Variants in TECTA observed in about 807,000 individuals in gnomAD.
The protein encoded by TECTA is tectorin alpha.
TECTA carries 128 observed loss-of-function variants against 216.8 expected under a neutral mutation model. That is an observed-to-expected ratio of 0.59 (90% CI 0.51 to 0.68). The LOEUF (loss-of-function observed/expected upper bound fraction) is 0.68. TECTA is among the 30% of genes least tolerant of loss of function. The pLI, the probability that TECTA is intolerant of heterozygous loss-of-function variation, is 0.00. For synonymous variants in TECTA, 1,089 were observed against 1,117.1 expected, an observed-to-expected ratio of 0.97 and a Z score of 0.50; for missense variants, 2,551 against 2,786.2, an observed-to-expected ratio of 0.92 and a Z score of 1.90.
rs759538465 is a variant in TECTA, at chr11:121,157,861, C to T, written c.4326C>T (p.Asn1442=). ...TCCAGCCCAAGCAGCTATTTTGGAA[C>T]AGCGACTGCACGCGGCGCTGCCGCT... ...KYYEPKQLFW[N]SDCTRRCRCF... The change falls in exon 14 of 24, where the codon AAC becomes AAT. Residue 1442 remains asparagine (N), a synonymous_variant. Coordinates refer to ENST00000392793, the MANE Select transcript of TECTA (RefSeq NM_005422.4). The T allele has an allele frequency of 7.4e-6, 12 of 1,614,190 alleles. No individual in the cohort carries two copies. Among genetic ancestry groups the T allele is most frequent in the Non-Finnish European group, 5.9e-6 (7 of 1,180,046 alleles).
At chr11:121,112,684 G>A (rs1365116442) in intron 4 of TECTA, among the ~76,000 whole-genome samples, 1 of 152,184 alleles carries the variant, frequency 6.6e-6, no homozygotes, top group Non-Finnish European at 1.5e-5. Flanking sequence ...TCTGCAAGGG[G>A]AACCGGTGGT....
At chr11:121,189,010 T>C in intron 21 of TECTA, 70 bp from the exon 22 acceptor site, 4 of 1,525,588 alleles carry the variant, frequency 2.6e-6, no homozygotes, top group Non-Finnish European at 3.6e-6. Flanking sequence ...CTTTTAGAGG[T>C]GAAACATGGT....
Position 121,153,094 on chromosome 11 carries a change from G to A in TECTA, c.4305+14G>A. On this transcript the variant is annotated intron_variant, in intron 13 of 23. Transcript: ENST00000392793. ...AAATATTACGAGGTATGGGAGGCCAGCCCGGCCTTTTCCTCCTTGCCAATG... is the reference window on the plus strand; with the variant it reads ...AAATATTACGAGGTATGGGAGGCCAACCCGGCCTTTTCCTCCTTGCCAATG... 6.2e-7 allele frequency: 1 copy of A among 1,609,250 alleles called. No homozygotes were observed.
intron 15 of TECTA, among the ~76,000 whole-genome samples, 179 bp downstream of exon 15, chr11:121,160,600 C>T (rs900060933): frequency 5.9e-5 from 9 of 152,330 alleles, no homozygotes; most frequent in Middle Eastern, 3.4e-3. Context: ...CCAGTAATTT[C>T]GTGAACTGCA....
At chr11:121,166,100 A>G (rs534081289) in intron 17 of TECTA, among the ~76,000 whole-genome samples, 5 of 152,338 alleles carry the variant, frequency 3.3e-5, no homozygotes, top group African/African-American at 1.2e-4. Flanking sequence ...GAAAATGTCA[A>G]TCGGTGCCTT....
rs2135045190 is a variant in TECTA at position 121,101,419 on chromosome 11, G to C, written c.-25G>C. The C allele has an allele frequency of 6.6e-6, 1 of 152,288 alleles. No homozygotes were observed. Among genetic ancestry groups the C allele is most frequent in the East Asian group, 1.9e-4 (1 of 5,180 alleles). 9.4% of individuals were successfully genotyped at this position (152,288 alleles called of 1,614,324 possible). On this transcript the variant is annotated 5_prime_UTR_variant, in exon 1 of 24. Transcript: ENST00000392793. ...GATTTGGCTTAATATTTCTGACTCAGTTCCTCCAGCCTCTACAGAACAGGT... is the reference window on the plus strand; with the variant it reads ...GATTTGGCTTAATATTTCTGACTCACTTCCTCCAGCCTCTACAGAACAGGT...
rs931887540 is a variant in TECTA, at chr11:121,137,762, C to T, written c.3283C>T (p.Arg1095Cys). ...AGGTGGCCTGTACTACTGCCAAGCC[C>T]GCACCGACGCCTCCTGCATCGTCTC... ...EEGGLYYCQA[R>C]TDASCIVSGY... The change falls in exon 11 of 24, where the codon CGC becomes TGC. Residue 1095 changes from arginine to cysteine, a missense_variant. Physicochemically the swap from Arg to Cys is radical, Grantham distance 180. Around this residue, in one of 3 missense-constraint regions of TECTA, gnomAD observed 2,375 missense variants for 2,563.9 expected, o/e 0.93. Coordinates refer to ENST00000392793, the MANE Select transcript of TECTA (RefSeq NM_005422.4). The T allele has an allele frequency of 5.0e-6, 8 of 1,614,044 alleles. No individual in the cohort carries two copies. The highest frequency in any genetic ancestry group is 3.3e-5 in the Admixed American group (2 of 60,002).
At chr11:121,138,215 A>C (rs1004379989) in intron 11 of TECTA, among the ~76,000 whole-genome samples, 193 bp downstream of exon 11, 4 of 152,220 alleles carry the variant, frequency 2.6e-5, no homozygotes, top group African/African-American at 9.6e-5. Flanking sequence ...AGAGAAAAAA[A>C]TGATTTGCCC....
chr11:121,122,689 A>G (rs1946570060), intron 7 of TECTA, among the ~76,000 whole-genome samples: 1 of 147,160 alleles, frequency 6.8e-6, no homozygotes. Flanking sequence ...AAAAAAAAAA[A>G]AAAAGAAAGC....
chr11:121,162,822 G>A (rs1429015082), intron 16 of TECTA, among the ~76,000 whole-genome samples: 2 of 152,230 alleles, frequency 1.3e-5, no homozygotes, highest in African/African-American at 4.8e-5. Context: ...CTCAAAGGAA[G>A]CTGCAGTTCG....
rs111897870 is a variant in TECTA at position 121,105,500 on chromosome 11, A to G, written c.65-331A>G. 8.6e-3 allele frequency among the ~76,000 whole-genome samples: 1,313 copies of G among 152,350 alleles called. 21 individuals carry two copies. The highest frequency in any genetic ancestry group is 0.03 in the African/African-American group (1,256 of 41,574). On this transcript the variant is annotated intron_variant, in intron 2 of 23. Transcript: ENST00000392793. The surrounding 1 kb of genome is among the most constrained non-coding windows in gnomAD (Gnocchi z 5.3). The stretch of plus-strand genomic sequence containing the variant: ...ATGCCAGACCTAGAGGCTGCCTCTC[A>G]GTATCCAGAAAGCTCAAGGTTTCCA...
chr11:121,165,104 GCTA>G (rs1947037762), intron 16 of TECTA, among the ~76,000 whole-genome samples, 166 bp from the exon 17 acceptor site: 1 of 152,218 alleles, frequency 6.6e-6, no homozygotes, highest in Non-Finnish European at 1.5e-5. Context: ...GCACCTATGT[GCTA>G]GCTATTGACA....
chr11:121,128,811 C>A (rs1405552494), intron 9 of TECTA, among the ~76,000 whole-genome samples: 3 of 152,216 alleles, frequency 2.0e-5, no homozygotes, highest in Admixed American at 2.0e-4. Context: ...CCTACCTATA[C>A]ATGCCAGTCT....
Position 121,158,003 on chromosome 11 carries a change from G to A in TECTA, c.4468G>A (p.Ala1490Thr). The A allele has an allele frequency of 6.2e-7, 1 of 1,612,864 alleles. No homozygotes were observed. The highest frequency in any genetic ancestry group is 8.5e-7 in the Non-Finnish European group (1 of 1,179,926). Residue 1490 changes from alanine (A) to threonine (T), a missense_variant, in exon 14 of 24, where the codon GCC (alanine) becomes ACC (threonine). Physicochemically the swap from Ala to Thr is moderately conservative, Grantham distance 58. Coordinates refer to ENST00000392793, the MANE Select transcript of TECTA (RefSeq NM_005422.4). Reference protein sequence around the residue: ...FSTKTSYCLAAGGGVFRTFDG... With the variant: ...FSTKTSYCLATGGGVFRTFDG... The stretch of plus-strand genomic sequence containing the variant: ...CACCAAGACCTCCTACTGCCTGGCG[G>A]CCGGCGGCGGCGTCTTCCGCACCTT...
At chr11:121,116,076 G>A (rs764511351) in intron 6 of TECTA, among the ~76,000 whole-genome samples, 20 of 152,144 alleles carry the variant, frequency 1.3e-4, no homozygotes, top group Non-Finnish European at 2.9e-5. Context: ...GTGTGAAGAT[G>A]GCCTGCCTGG....
intron 18 of TECTA, among the ~76,000 whole-genome samples, chr11:121,167,250 G>A (rs1029661538): frequency 2.6e-5 from 4 of 152,158 alleles, no homozygotes; most frequent in Non-Finnish European, 4.4e-5. Flanking sequence ...AGGCAACATC[G>A]CAAGACCCTG....
intron 7 of TECTA, among the ~76,000 whole-genome samples, chr11:121,124,322 C>T (rs914032383): frequency 2.0e-5 from 3 of 152,150 alleles, no homozygotes; most frequent in Admixed American, 6.5e-5. Flanking sequence ...GCCTCATCTT[C>T]AGCCATCTCT....
chr11:121,108,785 C>T (rs1428102778), intron 3 of TECTA, among the ~76,000 whole-genome samples: 1 of 151,214 alleles, frequency 6.6e-6, no homozygotes, highest in East Asian at 1.9e-4. Context: ...CCAGAACACA[C>T]ACACCCATAC....
intron 19 of TECTA, 144 bp from the exon 20 acceptor site, chr11:121,168,533 G>A (rs1421196796): frequency 2.5e-6 from 3 of 1,207,250 alleles, no homozygotes; most frequent in Non-Finnish European, 3.6e-6. Context: ...CATGTGGCTA[G>A]CAGGTACTGT....
Sources: allele counts gnomAD v4.1 joint callset (sites outside exome capture counted in the v4.1 genomes callset), GRCh38; gene constraint gnomAD v4.1.1; regional missense constraint gnomAD v4.1.1; non-coding constraint Gnocchi (gnomAD v3.1); transcripts MANE v1.5; gene names NCBI Gene and HGNC (gene_info 2026-07-23, HGNC 2026-07-21).